CHST12: variants seen among roughly 807,000 people sequenced by gnomAD.
CHST12 encodes the protein carbohydrate (chondroitin 4) sulfotransferase 12.
CHST12 carries 23 observed loss-of-function variants against 27.9 expected under a neutral mutation model. That is an observed-to-expected ratio of 0.82 (90% confidence interval 0.59 to 1.17). CHST12 has a LOEUF of 1.17. CHST12 is among the 50% of genes most tolerant of loss of function. CHST12 has a pLI of 0.00. For synonymous variants in CHST12, 322 were observed against 273.0 expected (o/e 1.18, Z -1.77); for missense variants, 682 against 603.0 (o/e 1.13, Z -1.37).
chr7:2,415,086 C>T lies in CHST12; in HGVS notation c.-78+11413C>T, dbSNP rs186945493. Reference sequence around the variant, plus strand: ...CAGTGCATATAAAAGTTATATTTGGCCAGGTGTGGTGGCTCACGCCTCAGT... The same window carrying T: ...CAGTGCATATAAAAGTTATATTTGGTCAGGTGTGGTGGCTCACGCCTCAGT... On this transcript the variant is annotated intron_variant, in intron 1 of 1. Transcript: ENST00000618655. Among the ~76,000 whole-genome samples the T allele has an allele frequency of 2.4e-3, 370 of 152,300 alleles. 1 individual carries two copies. The highest frequency in any genetic ancestry group is 8.5e-3 in the African/African-American group (355 of 41,574).
At chr7:2,410,704 T>A (rs1781642997) in intron 1 of CHST12, among the ~76,000 whole-genome samples, 1 of 151,616 alleles carries the variant, frequency 6.6e-6, no homozygotes, top group African/African-American at 2.4e-5. Flanking sequence ...TGAGGGATGG[T>A]GGTGCAGAGG....
chr7:2,428,039 G>A (rs1782175497), intron 1 of CHST12, among the ~76,000 whole-genome samples: 2 of 151,954 alleles, frequency 1.3e-5, no homozygotes, highest in Admixed American at 6.6e-5. Context: ...TCCTGACCTC[G>A]TGATCCACCC....
intron 1 of CHST12, among the ~76,000 whole-genome samples, chr7:2,409,219 C>T (rs972703801): frequency 2.0e-5 from 3 of 152,156 alleles, no homozygotes; most frequent in Non-Finnish European, 4.4e-5. Flanking sequence ...GAGGAGAGCG[C>T]TGCATTTTCG....
intron 1 of CHST12, among the ~76,000 whole-genome samples, chr7:2,419,456 C>T (rs1401656802): frequency 6.6e-6 from 1 of 151,290 alleles, no homozygotes; most frequent in Non-Finnish European, 1.5e-5. Flanking sequence ...CCTGTAATCC[C>T]AGCACTTTGA....
chr7:2,407,265 G>A (rs370666701), intron 1 of CHST12, among the ~76,000 whole-genome samples: 6 of 151,180 alleles, frequency 4.0e-5, no homozygotes, highest in South Asian at 2.1e-4. Flanking sequence ...GGGCAACATA[G>A]CAAGACCCCC....
At position 2,448,193 on chromosome 7, in the gene CHST12, T is replaced by C. The variant is rs1782801861; in HGVS notation, c.*14309T>C. ...ACAAACATATTTTAAATTTGAACAA[T>C]AAAGGAACTGGACCAGGAAGTGTGG... On this transcript the variant is annotated 3_prime_UTR_variant, in exon 2 of 2. Transcript: ENST00000618655. 1 of 152,166 alleles carries C rather than the reference T, an allele frequency of 6.6e-6. No homozygotes were observed. The highest frequency in any genetic ancestry group is 1.5e-5 in the Non-Finnish European group (1 of 68,056). The allele number at this position is 152,166 out of a possible 1,614,324, so 9.4% of individuals were successfully genotyped here. A position where few individuals can be genotyped will look rare whatever the true frequency, so the allele number is the denominator to read the frequency against.
Position 2,441,259 on chromosome 7 carries a change from A to G in CHST12, c.*7375A>G, listed in dbSNP as rs2115461683. The G allele has an allele frequency of 6.6e-6, 1 of 152,366 alleles. No homozygotes were observed. The highest frequency in any genetic ancestry group is 3.4e-3 in the Middle Eastern group (1 of 294). The allele number at this position is 152,366 out of a possible 1,614,324, so 9.4% of individuals were successfully genotyped here. On this transcript the variant is annotated 3_prime_UTR_variant, in exon 2 of 2. Transcript: ENST00000618655. ...CAGAGCTGCCACCTGCTCACCGCAG[A>G]CCCAGGGGCCCAGGAGGAGCGGACT...
At chr7:2,419,944 C>A (rs1262054644) in intron 1 of CHST12, among the ~76,000 whole-genome samples, 1 of 144,984 alleles carries the variant, frequency 6.9e-6, no homozygotes, top group South Asian at 2.3e-4. Context: ...GAACCTCATA[C>A]AAGTAGAATC....
At position 2,444,267 on chromosome 7, in the gene CHST12, G is replaced by A. The variant is rs1782691317; in HGVS notation, c.*10383G>A. The A allele has an allele frequency of 8.0e-6, 1 of 124,830 alleles. No individual in the cohort carries two copies. The highest frequency in any genetic ancestry group is 3.1e-5 in the African/African-American group (1 of 32,246). The allele number at this position is 124,830 out of a possible 1,614,324, so 7.7% of individuals were successfully genotyped here. On this transcript the variant is annotated 3_prime_UTR_variant, in exon 2 of 2. Transcript: ENST00000618655. Reference sequence around the variant, plus strand: ...CCACTGCACTCCAGCCTGGGCGACAGAGCGAGACTCCGTCTCAAAAAAAAA... The same window carrying A: ...CCACTGCACTCCAGCCTGGGCGACAAAGCGAGACTCCGTCTCAAAAAAAAA...
rs559374933 is a variant in CHST12 at position 2,442,351 on chromosome 7, A to T, written c.*8467A>T. The T allele has an allele frequency of 2.0e-5, 3 of 152,290 alleles. No homozygotes were observed. Among genetic ancestry groups the T allele is most frequent in the African/African-American group, 7.2e-5 (3 of 41,550 alleles). 9.4% of individuals were successfully genotyped at this position (152,290 alleles called of 1,614,324 possible). Reference sequence around the variant, plus strand: ...TGCTGCTGTGAACACGGGTGTGCAGATACCTGTTCAAGTCCCTGCTGTTTT... The same window carrying T: ...TGCTGCTGTGAACACGGGTGTGCAGTTACCTGTTCAAGTCCCTGCTGTTTT... On this transcript the variant is annotated 3_prime_UTR_variant, in exon 2 of 2. Transcript: ENST00000618655.
At chr7:2,415,778 AAT>A (rs907542840) in intron 1 of CHST12, among the ~76,000 whole-genome samples, 3 of 151,578 alleles carry the variant, frequency 2.0e-5, no homozygotes, top group African/African-American at 7.3e-5. Context: ...ACGCCTGGCT[AAT>A]TTTTTTTGTA....
At chr7:2,415,531 G>T (rs897980999) in intron 1 of CHST12, among the ~76,000 whole-genome samples, 1 of 152,090 alleles carries the variant, frequency 6.6e-6, no homozygotes, top group South Asian at 2.1e-4. Flanking sequence ...CTGGTGGAGG[G>T]TCTTGTCTTG....
rs1486584455 is a variant in CHST12 at position 2,433,279 on chromosome 7, C to G, written c.640C>G (p.Leu214Val). ...REHVHNASAH[L>V]TFNKFWRRYG... ...GCACGTGCACAACGCCAGCGCGCAC[C>G]TGACCTTCAACAAGTTCTGGCGCCG... Residue 214 changes from leucine (L) to valine (V), a missense_variant, in exon 2 of 2, where the codon CTG becomes GTG. Coordinates refer to ENST00000618655, the MANE Select transcript of CHST12 (RefSeq NM_018641.5). The surrounding 1 kb of genome is among the most constrained non-coding windows in gnomAD (Gnocchi z 6.1). The G allele has an allele frequency of 1.9e-6, 3 of 1,612,112 alleles. No homozygotes were observed. Among genetic ancestry groups the G allele is most frequent in the African/African-American group, 2.7e-5 (2 of 74,906 alleles).
rs1431772849 is a variant in CHST12, at chr7:2,425,230, A to AC, written c.-77-7333_-77-7332insC. Among the ~76,000 whole-genome samples the AC allele has an allele frequency of 3.2e-3, 480 of 149,652 alleles. 5 individuals carry two copies. The highest frequency in any genetic ancestry group is 0.011 in the African/African-American group (443 of 40,640). On this transcript the variant is annotated intron_variant, in intron 1 of 1. Transcript: ENST00000618655. ...AAAAAAAAAAAAAAACAACAAACAA[A>AC]AAAAAAACGTAAAAAAACAAACCCC...
chr7:2,446,014 A>G lies in CHST12; in HGVS notation c.*12130A>G, dbSNP rs537072530. On this transcript the variant is annotated 3_prime_UTR_variant, in exon 2 of 2. Coordinates refer to ENST00000618655, the MANE Select transcript of CHST12 (RefSeq NM_018641.5). ...TGAGGCACAGGATCAGTGAGAACCCAGCCCTGGCTTTGCCCAGACCTCTCA... is the reference window on the plus strand; with the variant it reads ...TGAGGCACAGGATCAGTGAGAACCCGGCCCTGGCTTTGCCCAGACCTCTCA... 1 of 152,414 alleles carries G rather than the reference A, an allele frequency of 6.6e-6. No individual in the cohort carries two copies. The highest frequency in any genetic ancestry group is 2.1e-4 in the South Asian group (1 of 4,826). The allele number at this position is 152,414 out of a possible 1,614,324, so 9.4% of individuals were successfully genotyped here. A position where few individuals can be genotyped will look rare whatever the true frequency, so the allele number is the denominator to read the frequency against.
At chr7:2,405,643 G>T (rs535861443) in intron 1 of CHST12, among the ~76,000 whole-genome samples, 17 of 152,172 alleles carry the variant, frequency 1.1e-4, no homozygotes, top group Non-Finnish European at 2.2e-4. Flanking sequence ...GTCTGGGGCA[G>T]TGAGAGAGTG....
intron 1 of CHST12, among the ~76,000 whole-genome samples, chr7:2,419,740 A>G (rs183353057): frequency 1.3e-5 from 2 of 151,058 alleles, no homozygotes; most frequent in Non-Finnish European, 2.9e-5. Flanking sequence ...CATTGTAACC[A>G]TTTTTAAGCA....
intron 1 of CHST12, among the ~76,000 whole-genome samples, chr7:2,429,937 C>T: frequency 6.6e-6 from 1 of 152,048 alleles, no homozygotes; most frequent in African/African-American, 2.4e-5. Context: ...TGCATGCCAC[C>T]ATGCACGGCA....
In CHST12 at chr7:2,433,582, C is replaced by G; in HGVS notation, c.943C>G (p.Leu315Val). The change falls in exon 2 of 2, where the codon CTG becomes GTG. Residue 315 changes from leucine (L) to valine (V), a missense_variant. Transcript: ENST00000618655. The surrounding 1 kb of genome is among the most constrained non-coding windows in gnomAD (Gnocchi z 6.1). ...CCTGCTGGACCCGCACACGGAGAAG[C>G]TGGCGCCCTTCAACGAGCACTGGCG... ...QYLLDPHTEKLAPFNEHWRQV... is the reference protein window; with the variant it reads ...QYLLDPHTEKVAPFNEHWRQV... 3.1e-6 allele frequency: 5 copies of G among 1,613,644 alleles called. No individual in the cohort carries two copies. In the South Asian group the frequency reaches 5.5e-5, roughly 18 times the overall value.
Sources: allele counts gnomAD v4.1 joint callset (sites outside exome capture counted in the v4.1 genomes callset), GRCh38; gene constraint gnomAD v4.1.1; non-coding constraint Gnocchi (gnomAD v3.1); transcripts MANE v1.5; gene names NCBI Gene and HGNC (gene_info 2026-07-23, HGNC 2026-07-21).